CAPN10: variants seen among roughly 807,000 people sequenced by gnomAD.
The protein encoded by CAPN10 is calpain-10.
Under a neutral mutation model 78.4 loss-of-function variants are expected in CAPN10, and 71 were observed. That is an observed-to-expected ratio of 0.91 (90% confidence interval 0.75 to 1.10). The LOEUF (loss-of-function observed/expected upper bound fraction) is 1.10, where lower values mean the gene tolerates loss of function less well. Among genes scored for constraint, CAPN10 ranks in the 50% least tolerant of loss-of-function variants. CAPN10 has a pLI of 0.00. For missense variants in CAPN10, 849 were observed against 924.6 expected (o/e 0.92, Z 1.06); for synonymous variants, 437 against 407.2 (o/e 1.07, Z -0.88).
Position 240,594,668 on chromosome 2 carries a change from A to G in CAPN10, c.956A>G (p.Tyr319Cys). ...LREFDELTVG[Y>C]PVTEAGHLQS... Reference sequence around the variant, plus strand: ...GAGTTTGACGAGCTCACCGTTGGCTACCCGGTCACGGAGGCCGGCCACCTG... The same window carrying G: ...GAGTTTGACGAGCTCACCGTTGGCTGCCCGGTCACGGAGGCCGGCCACCTG... Residue 319 changes from tyrosine (Y) to cysteine (C), a missense_variant, in exon 6 of 12, where the codon TAC (tyrosine) becomes TGC (cysteine). Transcript: ENST00000391984. 2.5e-6 allele frequency: 4 copies of G among 1,613,506 alleles called. No individual in the cohort carries two copies. Among genetic ancestry groups the G allele is most frequent in the Non-Finnish European group, 2.5e-6 (3 of 1,179,926 alleles).
intron 9 of CAPN10, among the ~76,000 whole-genome samples, chr2:240,597,639 C>T (rs1350677044): frequency 6.6e-6 from 1 of 152,184 alleles, no homozygotes; most frequent in Non-Finnish European, 1.5e-5. Flanking sequence ...GCGGGCTGGG[C>T]AGTCACAGGT....
At position 240,596,309 on chromosome 2, in the gene CAPN10, G is replaced by C; in HGVS notation, c.1279-10G>C. 6.3e-7 allele frequency: 1 copy of C among 1,595,794 alleles called. No individual in the cohort carries two copies. The highest frequency in any genetic ancestry group is 8.6e-7 in the Non-Finnish European group (1 of 1,166,618). ...CTCCTCCACACTGAGCCTCCTGCACGTGCTCACAGGTAGAGAAGCGGCGGG... is the reference window on the plus strand; with the variant it reads ...CTCCTCCACACTGAGCCTCCTGCACCTGCTCACAGGTAGAGAAGCGGCGGG... On this transcript the variant is annotated splice_polypyrimidine_tract_variant and intron_variant, in intron 7 of 11. Coordinates refer to ENST00000391984, the MANE Select transcript of CAPN10 (RefSeq NM_023083.4).
rs1196771109 is a variant in CAPN10, at chr2:240,590,850, G to A, written c.309G>A (p.Gln103=). Reference sequence around the variant, plus strand: ...CGGGACAGCCGAGCTGGGCCGACCAGGAGTACCGGGGCTCCTTCACCTGTC... The same window carrying A: ...CGGGACAGCCGAGCTGGGCCGACCAAGAGTACCGGGGCTCCTTCACCTGTC... ...IPPGQPSWAD[Q]EYRGSFTCRI... Residue 103 remains glutamine, a synonymous_variant, in exon 3 of 12, where the codon CAG becomes CAA. Transcript: ENST00000391984. 1 of 1,614,098 alleles carries A rather than the reference G, an allele frequency of 6.2e-7. No individual in the cohort carries two copies. The highest frequency in any genetic ancestry group is 8.5e-7 in the Non-Finnish European group (1 of 1,180,048).
intron 3 of CAPN10, 159 bp downstream of exon 3, chr2:240,591,170 G>A (rs1296369080): frequency 9.4e-6 from 6 of 638,474 alleles, no homozygotes; most frequent in African/African-American, 1.8e-5. Context: ...GACAGGCCAG[G>A]TGCAGAGATT....
intron 4 of CAPN10, 107 bp from the exon 5 acceptor site, chr2:240,593,799 G>C: frequency 1.5e-6 from 2 of 1,335,362 alleles, no homozygotes; most frequent in Admixed American, 4.5e-5. Context: ...GCCATAGTGG[G>C]GTGGGCTGGA....
Position 240,595,301 on chromosome 2 carries a change from G to A in CAPN10, c.1275G>A (p.Trp425Ter). The A allele has an allele frequency of 6.2e-7, 1 of 1,612,736 alleles. No individual in the cohort carries two copies. The highest frequency in any genetic ancestry group is 1.1e-5 in the South Asian group (1 of 91,076). Residue 425 changes from tryptophan to a stop codon, truncating the protein, a stop_gained, in exon 7 of 12, where the codon TGG becomes TGA. Transcript: ENST00000391984. LOFTEE classifies it high-confidence loss of function. The part of the protein sequence containing the change: ...KHYQAVGLHL[W>*]KVEKRRVNLP... ...ACCAGGCTGTGGGTCTGCACCTCTG[G>A]AAGGTAACTCAGCCCCGTCTGGCTC...
chr2:240,597,172 C>T (rs2093142339), intron 9 of CAPN10, among the ~76,000 whole-genome samples: 1 of 152,230 alleles, frequency 6.6e-6, no homozygotes, highest in Non-Finnish European at 1.5e-5. Context: ...GTGGGCAGGG[C>T]TGATCCAGGC....
intron 1 of CAPN10, 145 bp downstream of exon 1, chr2:240,587,197 C>G: frequency 2.4e-6 from 1 of 416,062 alleles, no homozygotes; most frequent in Admixed American, 4.4e-5. Context: ...GCCCGGCCCC[C>G]TCTTTTCGTA....
Position 240,590,738 on chromosome 2 carries a change from C to T in CAPN10, c.274-77C>T. ...TGTGGAGCACTCAGCTGTGGCCACA[C>T]CGCGGCCGGGACACTGGAGTAGCGC... On this transcript the variant is annotated intron_variant, in intron 2 of 11. Coordinates refer to ENST00000391984, the MANE Select transcript of CAPN10 (RefSeq NM_023083.4). The T allele has an allele frequency of 2.9e-6, 4 of 1,392,732 alleles. No individual in the cohort carries two copies. In the African/African-American group the frequency reaches 4.2e-5, roughly 15 times the overall value. 86.3% of individuals were successfully genotyped at this position (1,392,732 alleles called of 1,614,324 possible). A position where few individuals can be genotyped will look rare whatever the true frequency, so the allele number is the denominator to read the frequency against.
Position 240,589,443 on chromosome 2 carries a change from C to G in CAPN10, c.242C>G (p.Ala81Gly). 6.2e-6 allele frequency: 10 copies of G among 1,613,862 alleles called. No homozygotes were observed. The highest frequency in any genetic ancestry group is 8.5e-6 in the Non-Finnish European group (10 of 1,179,994). The change falls in exon 2 of 12, where the codon GCG becomes GGG. Residue 81 changes from alanine to glycine, a missense_variant. By Grantham distance (60) the Ala-to-Gly change is moderately conservative (BLOSUM62 0). Transcript: ENST00000391984. ...TGCTGGTTCCTGTGTGCCTGCGCCG[C>G]GCTGCAGAAGAGCAGGCACCTCCTG... is the stretch of plus-strand genomic sequence containing the variant. ...GDCWFLCACA[A>G]LQKSRHLLDQ... is the part of the protein sequence containing the mutation.
At chr2:240,596,262 C>T (rs1395108161) in intron 7 of CAPN10, 57 bp from the exon 8 acceptor site, 16 of 1,540,846 alleles carry the variant, frequency 1.0e-5, no homozygotes, top group African/African-American at 2.7e-5. Flanking sequence ...GAGGTCAAGG[C>T]CAGGGCGTCT....
At chr2:240,591,685 C>G (rs2093102784) in intron 3 of CAPN10, 1 of 563,126 alleles carries the variant, frequency 1.8e-6, no homozygotes, top group Admixed American at 3.2e-5. Flanking sequence ...CCTGTGCCCA[C>G]ACCGGATGCC....
In CAPN10 at chr2:240,593,908, G is replaced by A; in HGVS notation, c.691G>A (p.Ala231Thr). ...TGCCTGCGCCATTCCTCATGCAGGT[G>A]CCCGGGAGCTGGGGGAGTTCCATGC... The part of the protein sequence containing the change: ...SCCVLSPRAG[A>T]RELGEFHAFI... Residue 231 changes from alanine to threonine, a missense_variant and splice_region_variant, in exon 5 of 12, where the codon GCC becomes ACC. By Grantham distance (58) the Ala-to-Thr change is moderately conservative. Coordinates refer to ENST00000391984, the MANE Select transcript of CAPN10 (RefSeq NM_023083.4). 6.3e-7 allele frequency: 1 copy of A among 1,594,180 alleles called. No individual in the cohort carries two copies. Among genetic ancestry groups the A allele is most frequent in the South Asian group, 1.1e-5 (1 of 89,572 alleles).
chr2:240,587,326 G>A (rs1260560859), intron 1 of CAPN10, among the ~76,000 whole-genome samples: 1 of 152,248 alleles, frequency 6.6e-6, no homozygotes, highest in Non-Finnish European at 1.5e-5. Flanking sequence ...CGCTGCGAGA[G>A]GCGTTTTAAC....
intron 9 of CAPN10, 122 bp downstream of exon 9, chr2:240,597,064 C>A (rs543450407): frequency 4.0e-6 from 5 of 1,235,132 alleles, no homozygotes; most frequent in Non-Finnish European, 5.7e-6. Context: ...CCCTGCCCTT[C>A]GAGGCGCTGC....
intron 11 of CAPN10, 81 bp from the exon 12 acceptor site, chr2:240,598,570 C>A: frequency 6.7e-7 from 1 of 1,501,180 alleles, no homozygotes. Context: ...AGGCTGCGTC[C>A]CATTCCCTGG....
chr2:240,594,469 T>C (rs1164374754), intron 5 of CAPN10, 74 bp from the exon 6 acceptor site: 16 of 1,483,812 alleles, frequency 1.1e-5, no homozygotes, highest in Non-Finnish European at 1.4e-5. Context: ...CCTCCAGGCT[T>C]CCCCCCAGCC....
Position 240,595,037 on chromosome 2 carries a change from C to T in CAPN10, c.1011C>T (p.Cys337=), listed in dbSNP as rs1421543064. The change falls in exon 7 of 12, where the codon TGC becomes TGT. Residue 337 remains cysteine, a synonymous_variant. Coordinates refer to ENST00000391984, the MANE Select transcript of CAPN10 (RefSeq NM_023083.4). ...TTTTCTCACTAGAGAGGCTGCTCTG[C>T]CATACGCGGGCGCTGCCTGGGGCCT... is the stretch of plus-strand genomic sequence containing the variant. The part of the protein sequence containing the change: ...LQSLYTERLL[C]HTRALPGAWV... 1 of 1,613,046 alleles carries T rather than the reference C, an allele frequency of 6.2e-7. No homozygotes were observed. The highest frequency in any genetic ancestry group is 1.1e-5 in the South Asian group (1 of 91,074).
chr2:240,590,583 A>G (rs2093095173), intron 2 of CAPN10: 3 of 517,284 alleles, frequency 5.8e-6, no homozygotes, highest in East Asian at 3.2e-5. Flanking sequence ...TCTCTGCGAC[A>G]TCCAGGTGTG....
Sources: allele counts gnomAD v4.1 joint callset (sites outside exome capture counted in the v4.1 genomes callset), GRCh38; gene constraint gnomAD v4.1.1; transcripts MANE v1.5; gene names NCBI Gene and HGNC (gene_info 2026-07-23, HGNC 2026-07-21).